The following HSP90AB1 variants were observed in gnomAD, a reference collection of about 807,000 sequenced individuals.
HSP90AB1 encodes heat shock protein 90 alpha family class B member 1, also known as heat shock protein HSP 90-beta.
In HSP90AB1, 17 loss-of-function variants were observed where a neutral mutation model predicts 67.8. The observed-to-expected ratio is 0.25, with a 90% CI of 0.17 to 0.38. The LOEUF (loss-of-function observed/expected upper bound fraction) is 0.38. Among genes scored for constraint, HSP90AB1 ranks in the 10% least tolerant of loss-of-function variants. HSP90AB1 has a pLI of 1.00. For synonymous variants in HSP90AB1, 390 were observed against 312.9 expected, an observed-to-expected ratio of 1.25 and a Z score of -2.60; for missense variants, 690 against 899.9, an observed-to-expected ratio of 0.77 and a Z score of 2.98.
At position 44,253,391 on chromosome 6, in the gene HSP90AB1, G is replaced by A. The variant is rs1391461661; in HGVS notation, c.2065+13G>A. 2 of 1,609,512 alleles carry A rather than the reference G, an allele frequency of 1.2e-6. No individual in the cohort carries two copies. The highest frequency in any genetic ancestry group is 1.7e-6 in the Non-Finnish European group (2 of 1,176,916). ...AAGCTAGGTCTAGGTAAGTAGCTTT[G>A]GTACTTGGTGTGGCAAGGAGTTTGT... On this transcript the variant is annotated intron_variant, in intron 11 of 11. Coordinates refer to ENST00000371646, the MANE Select transcript of HSP90AB1 (RefSeq NM_007355.4).
At chr6:44,249,979 A>G (rs767650681) in intron 4 of HSP90AB1, 42 bp from the exon 5 acceptor site, 8 of 1,612,198 alleles carry the variant, frequency 5.0e-6, no homozygotes, top group Non-Finnish European at 6.8e-6. Context: ...TCAACTGCAT[A>G]TACTTTTTAC....
chr6:44,251,289 G>GT, intron 7 of HSP90AB1, 76 bp downstream of exon 7: 1 of 1,570,838 alleles, frequency 6.4e-7, no homozygotes, highest in East Asian at 2.2e-5. Context: ...ATATTCTAAG[G>GT]TAACAGTTTT....
At chr6:44,253,447 A>G (rs765635669) in intron 11 of HSP90AB1, 42 bp from the exon 12 acceptor site, 2 of 1,605,806 alleles carry the variant, frequency 1.2e-6, no homozygotes, top group African/African-American at 1.3e-5. Context: ...ATTTGACTTA[A>G]TGCTATTTGG....
Position 44,252,169 on chromosome 6 carries a change from G to A in HSP90AB1, c.1633G>A (p.Glu545Lys). ...SVTKEGLELP[E>K]DEEEKKKMEE... ...TACCAAGGAGGGTCTGGAGCTGCCTGAGGATGAGGAGGAGAAGAAGAAGAT... is the reference window on the plus strand; with the variant it reads ...TACCAAGGAGGGTCTGGAGCTGCCTAAGGATGAGGAGGAGAAGAAGAAGAT... The change falls in exon 10 of 12, where the codon GAG becomes AAG. Residue 545 changes from glutamate to lysine, a missense_variant. This residue lies in a region of HSP90AB1 where 206 missense variants were observed against 221.4 expected (regional missense o/e 0.93). Coordinates refer to ENST00000371646, the MANE Select transcript of HSP90AB1 (RefSeq NM_007355.4). The A allele has an allele frequency of 6.2e-7, 1 of 1,614,178 alleles. No homozygotes were observed. The highest frequency in any genetic ancestry group is 8.5e-7 in the Non-Finnish European group (1 of 1,180,024).
At chr6:44,248,828 G>A in intron 2 of HSP90AB1, 52 bp downstream of exon 2, 1 of 1,536,186 alleles carries the variant, frequency 6.5e-7, no homozygotes, top group Non-Finnish European at 8.9e-7. Flanking sequence ...TGATACTCTA[G>A]AAGGAGGGGA....
rs1027102617 is a variant in HSP90AB1 at position 44,253,635 on chromosome 6, A to G, written c.*37A>G. On this transcript the variant is annotated 3_prime_UTR_variant, in exon 12 of 12. Transcript: ENST00000371646. ...ATAGTTGGAAAACTTGTGCCCTTGT[A>G]TAGTGTCCCCATGGGCTCCCACTGC... The G allele has an allele frequency of 9.9e-6, 15 of 1,507,822 alleles. No homozygotes were observed. Among genetic ancestry groups the G allele is most frequent in the Non-Finnish European group, 1.3e-5 (14 of 1,083,318 alleles). The allele number at this position is 1,507,822 out of a possible 1,614,324, so 93.4% of individuals were successfully genotyped here. A position where few individuals can be genotyped will look rare whatever the true frequency, so the allele number is the denominator to read the frequency against.
intron 2 of HSP90AB1, among the ~76,000 whole-genome samples, 199 bp downstream of exon 2, chr6:44,248,975 A>C (rs1264556452): frequency 6.6e-6 from 1 of 152,184 alleles, no homozygotes; most frequent in East Asian, 1.9e-4. Flanking sequence ...CATGGAACTA[A>C]CTGGTTCTAA....
chr6:44,253,537 C>G lies in HSP90AB1; in HGVS notation c.2114C>G (p.Pro705Arg), dbSNP rs775951331. ...GCAGAGGAACCCAATGCTGCAGTTCCTGATGAGATCCCCCCTCTCGAGGGC... is the reference window on the plus strand; with the variant it reads ...GCAGAGGAACCCAATGCTGCAGTTCGTGATGAGATCCCCCCTCTCGAGGGC... ...VAAEEPNAAV[P>R]DEIPPLEGDE... Residue 705 changes from proline (P) to arginine (R), a missense_variant, in exon 12 of 12, where the codon CCT becomes CGT. Pro to Arg is a moderately radical substitution (Grantham distance 103). Transcript: ENST00000371646. 5.0e-5 allele frequency: 80 copies of G among 1,614,042 alleles called. No homozygotes were observed. The South Asian group carries it at 8.1e-4, about 16-fold the overall frequency.
chr6:44,250,408 G>A lies in HSP90AB1; in HGVS notation c.766G>A (p.Asp256Asn). 1 of 1,613,738 alleles carries A rather than the reference G, an allele frequency of 6.2e-7. No homozygotes were observed. Among genetic ancestry groups the A allele is most frequent in the Non-Finnish European group, 8.5e-7 (1 of 1,179,750 alleles). ...ACCCAAGATCGAAGATGTGGGTTCA[G>A]ATGAGGAGGATGACAGCGGTAAGGA... ...EKPKIEDVGS[D>N]EEDDSGKDKK... is the part of the protein sequence containing the mutation. The change falls in exon 6 of 12, where the codon GAT becomes AAT. Residue 256 changes from aspartate (D) to asparagine (N), a missense_variant. Asp to Asn is a conservative substitution (Grantham distance 23, BLOSUM62 1). This residue lies in a region of HSP90AB1 where 146 missense variants were observed against 143.7 expected (regional missense o/e 1.02). Coordinates refer to ENST00000371646, the MANE Select transcript of HSP90AB1 (RefSeq NM_007355.4).
At chr6:44,252,634 T>C (rs2153322396) in intron 10 of HSP90AB1, among the ~76,000 whole-genome samples, 1 of 152,300 alleles carries the variant, frequency 6.6e-6, no homozygotes, top group South Asian at 2.1e-4. Context: ...TAGCTGCCAC[T>C]ACAGGCGCCC....
intron 10 of HSP90AB1, among the ~76,000 whole-genome samples, 188 bp downstream of exon 10, chr6:44,252,455 T>C (rs1780772592): frequency 6.6e-6 from 1 of 152,220 alleles, no homozygotes; most frequent in Admixed American, 6.5e-5. Context: ...TAGGCATTGC[T>C]TCAGTTAACT....
chr6:44,246,418 G>T (rs1274547446), upstream of HSP90AB1: 10 of 152,434 alleles, frequency 6.6e-5, no homozygotes, highest in East Asian at 1.6e-3. Flanking sequence ...GGAGCCTCGC[G>T]GGGAGGGGGC....
At position 44,249,500 on chromosome 6, in the gene HSP90AB1, A is replaced by G; in HGVS notation, c.271A>G (p.Ile91Val). ...TACCCTGACTTTGGTAGACACAGGCATTGGCATGACCAAAGCTGATCTCAT... is the reference window on the plus strand; with the variant it reads ...TACCCTGACTTTGGTAGACACAGGCGTTGGCATGACCAAAGCTGATCTCAT... Reference protein sequence around the residue: ...ERTLTLVDTGIGMTKADLINN... With the variant: ...ERTLTLVDTGVGMTKADLINN... The change falls in exon 3 of 12, where the codon ATT becomes GTT. Residue 91 changes from isoleucine (I) to valine (V), a missense_variant. Physicochemically the swap from Ile to Val is conservative, Grantham distance 29 (BLOSUM62 3). Around this residue, in one of 7 missense-constraint regions of HSP90AB1, gnomAD observed 88 missense variants for 167.7 expected, o/e 0.52. Transcript: ENST00000371646. 3 of 1,614,146 alleles carry G rather than the reference A, an allele frequency of 1.9e-6. No homozygotes were observed. Among genetic ancestry groups the G allele is most frequent in the South Asian group, 2.2e-5 (2 of 91,086 alleles).
intron 3 of HSP90AB1, 42 bp downstream of exon 3, chr6:44,249,625 T>C (rs779822674): frequency 3.7e-6 from 6 of 1,611,294 alleles, no homozygotes; most frequent in Middle Eastern, 1.7e-4. Flanking sequence ...CTGTGTTCTT[T>C]GGTTTTTTGC....
Position 44,251,225 on chromosome 6 carries a change from C to T in HSP90AB1, c.1123+12C>T, listed in dbSNP as rs1484941384. ...ACCAGAGTATCTCAGTGAGTATCTC[C>T]TTGGCCTAATTTAGTTGGGTGAAGT... is the stretch of plus-strand genomic sequence containing the variant. On this transcript the variant is annotated intron_variant, in intron 7 of 11. Coordinates refer to ENST00000371646, the MANE Select transcript of HSP90AB1 (RefSeq NM_007355.4). 1 of 1,613,596 alleles carries T rather than the reference C, an allele frequency of 6.2e-7. No homozygotes were observed. Among genetic ancestry groups the T allele is most frequent in the African/African-American group, 1.3e-5 (1 of 74,892 alleles).
chr6:44,251,354 A>C (rs1780621443), intron 7 of HSP90AB1, 64 bp from the exon 8 acceptor site: 3 of 1,549,606 alleles, frequency 1.9e-6, no homozygotes, highest in Non-Finnish European at 1.8e-6. Context: ...CTTCTGTTTG[A>C]ATCTGGGGAC....
At chr6:44,251,022 T>C in intron 6 of HSP90AB1, 26 bp from the exon 7 acceptor site, 1 of 1,608,856 alleles carries the variant, frequency 6.2e-7, no homozygotes, top group East Asian at 2.2e-5. Flanking sequence ...TTTTGAAATG[T>C]ACCACTTATT....
intron 1 of HSP90AB1, among the ~76,000 whole-genome samples, chr6:44,248,283 C>T (rs142407001): frequency 7.2e-5 from 11 of 152,306 alleles, no homozygotes; most frequent in South Asian, 4.2e-4. Flanking sequence ...GTAAGGATTA[C>T]TTGGGATCTC....
chr6:44,252,254 A>C lies in HSP90AB1; in HGVS notation c.1718A>C (p.Lys573Thr), dbSNP rs1271640890. 13 of 1,613,444 alleles carry C rather than the reference A, an allele frequency of 8.1e-6. No individual in the cohort carries two copies. The highest frequency in any genetic ancestry group is 1.1e-5 in the Non-Finnish European group (13 of 1,179,948). Reference protein sequence around the residue: ...LCKLMKEILDKKVEKVTISNR... With the variant: ...LCKLMKEILDTKVEKVTISNR... ...AAGCTCATGAAAGAAATCTTAGATA[A>C]GAAGGTTGAGAAGGTAAGCCATTCT... The change falls in exon 10 of 12, where the codon AAG becomes ACG. Residue 573 changes from lysine (K) to threonine (T), a missense_variant. Lys to Thr is a moderately conservative substitution (Grantham distance 78). Around this residue, in one of 7 missense-constraint regions of HSP90AB1, gnomAD observed 206 missense variants for 221.4 expected, o/e 0.93. Transcript: ENST00000371646.
Sources: gnomAD v4.1 joint callset for allele counts (sites outside exome capture counted in the v4.1 genomes callset) on GRCh38, gnomAD v4.1.1 for gene constraint, gnomAD v4.1.1 regional missense constraint, MANE v1.5 for transcripts, NCBI Gene and HGNC (gene_info 2026-07-23, HGNC 2026-07-21) for gene names.